Variants in MSRA observed in about 807,000 individuals in gnomAD.
MSRA encodes the protein methionine sulfoxide reductase A, also known as mitochondrial peptide methionine sulfoxide reductase.
A neutral mutation model predicts 31.3 loss-of-function variants in MSRA; 54 were observed. That is an observed-to-expected ratio of 1.73 (90% confidence interval 1.39 to 2.17). The LOEUF is 2.17. MSRA is among the 30% of genes most tolerant of loss of function. MSRA has a pLI of 0.00. For synonymous variants in MSRA, 169 were observed against 116.5 expected, an observed-to-expected ratio of 1.45 and a Z score of -2.90; for missense variants, 507 against 300.9, an observed-to-expected ratio of 1.69 and a Z score of -5.07.
intron 4 of MSRA, among the ~76,000 whole-genome samples, chr8:10,313,260 C>T (rs1248280594): frequency 1.3e-5 from 2 of 152,150 alleles, no homozygotes; most frequent in East Asian, 3.8e-4. Flanking sequence ...CCAAGGGAAA[C>T]CTTTGAAGCA....
intron 1 of MSRA, among the ~76,000 whole-genome samples, chr8:10,070,034 A>G (rs1030085695): frequency 4.6e-5 from 7 of 152,224 alleles, no homozygotes; most frequent in Non-Finnish European, 7.3e-5. Context: ...CTTGCCAAGG[A>G]TATAAAATTG....
At chr8:10,333,553 G>A (rs1478556298) in intron 5 of MSRA, among the ~76,000 whole-genome samples, 1 of 152,144 alleles carries the variant, frequency 6.6e-6, no homozygotes, top group Admixed American at 6.5e-5. Context: ...TTGTTGACCT[G>A]TCTAAGCCTA....
chr8:10,405,477 A>G (rs1458670112), intron 5 of MSRA, among the ~76,000 whole-genome samples: 3 of 152,206 alleles, frequency 2.0e-5, no homozygotes, highest in Non-Finnish European at 4.4e-5. Context: ...AGAGAGAGAG[A>G]GAATAAAATG....
rs529139863 is a variant in MSRA, at chr8:10,145,206, C to A, written c.143-62627C>A. 2.2e-3 allele frequency among the ~76,000 whole-genome samples: 328 copies of A among 152,324 alleles called. 2 individuals carry two copies. The highest frequency in any genetic ancestry group is 7.6e-3 in the African/African-American group (315 of 41,564). On this transcript the variant is annotated intron_variant, in intron 1 of 5. Coordinates refer to ENST00000317173, the MANE Select transcript of MSRA (RefSeq NM_012331.5). The stretch of plus-strand genomic sequence containing the variant: ...CTATGCAGTGCGAGGCGAGAACCGT[C>A]CGATCGGAGCACCTGTTCTATGTGG...
intron 5 of MSRA, among the ~76,000 whole-genome samples, chr8:10,372,033 C>T (rs796105068): frequency 3.3e-5 from 5 of 152,274 alleles, no homozygotes; most frequent in Admixed American, 1.3e-4. Flanking sequence ...TTGTTGATGC[C>T]ATATAATCTT....
intron 1 of MSRA, among the ~76,000 whole-genome samples, chr8:10,178,549 A>T (rs1480854344): frequency 6.6e-6 from 1 of 152,284 alleles, no homozygotes; most frequent in Non-Finnish European, 1.5e-5. Flanking sequence ...CAGAGTTATA[A>T]GTGCAGCGAT....
intron 3 of MSRA, among the ~76,000 whole-genome samples, chr8:10,300,769 C>A (rs1312869604): frequency 6.6e-6 from 1 of 152,028 alleles, no homozygotes; most frequent in South Asian, 2.1e-4. Context: ...ATGGAGGGAT[C>A]TCTTATTTGC....
At chr8:10,260,771 T>C (rs1396654354) in intron 3 of MSRA, among the ~76,000 whole-genome samples, 2 of 152,206 alleles carry the variant, frequency 1.3e-5, no homozygotes, top group Non-Finnish European at 2.9e-5. Flanking sequence ...GTGTGCTTAA[T>C]GTCTTTTGTA....
At chr8:10,353,964 T>C (rs1475587909) in intron 5 of MSRA, 1 of 178,842 alleles carries the variant, frequency 5.6e-6, no homozygotes, top group Non-Finnish European at 1.2e-5. Flanking sequence ...AGAGCTAAAA[T>C]GAACTTTTCT....
intron 2 of MSRA, among the ~76,000 whole-genome samples, chr8:10,230,412 C>T (rs894124365): frequency 5.3e-5 from 8 of 151,994 alleles, no homozygotes; most frequent in East Asian, 1.9e-4. Flanking sequence ...AGGAGGGTGG[C>T]CATAGGACAA....
chr8:10,150,045 A>G (rs1803527013), intron 1 of MSRA, among the ~76,000 whole-genome samples: 1 of 150,546 alleles, frequency 6.6e-6, no homozygotes, highest in African/African-American at 2.4e-5. Flanking sequence ...TGGATTGGGG[A>G]AAAAGTGTCC....
chr8:10,074,058 C>CTTTTTTTTTTTTTTT lies in MSRA; in HGVS notation c.142+19426_142+19440dup, dbSNP rs534642712. 6.8e-4 allele frequency among the ~76,000 whole-genome samples: 20 copies of CTTTTTTTTTTTTTTT among 29,456 alleles called. 5 individuals carry two copies. The highest frequency in any genetic ancestry group is 1.1e-3 in the Non-Finnish European group (18 of 16,368). 19.3% of individuals were successfully genotyped at this position (29,456 alleles called of 152,430 possible). A position where few individuals can be genotyped will look rare whatever the true frequency, so the allele number is the denominator to read the frequency against. Reference sequence around the variant, plus strand: ...CATTTTGTTTTGTCTAAGGGAGGTGCTTTTTTTTTTTTTTTTTTTTTTTTT... The same window carrying CTTTTTTTTTTTTTTT: ...CATTTTGTTTTGTCTAAGGGAGGTGCTTTTTTTTTTTTTTTTTTTTTTTTTTTTTTTTTTTTTTTT... On this transcript the variant is annotated intron_variant, in intron 1 of 5. Coordinates refer to ENST00000317173, the MANE Select transcript of MSRA (RefSeq NM_012331.5).
At chr8:10,291,777 G>A (rs144975245) in intron 3 of MSRA, among the ~76,000 whole-genome samples, 112 of 152,238 alleles carry the variant, frequency 7.4e-4, no homozygotes, top group African/African-American at 2.6e-3. Flanking sequence ...GGAGGTTGAA[G>A]AATGGTTATT....
At chr8:10,142,374 G>A (rs551229507) in intron 1 of MSRA, among the ~76,000 whole-genome samples, 1 of 152,310 alleles carries the variant, frequency 6.6e-6, no homozygotes, top group Non-Finnish European at 1.5e-5. Flanking sequence ...TCTGGACTGC[G>A]GTCTTAGAGC....
chr8:10,283,008 A>C (rs1030933342), intron 3 of MSRA, among the ~76,000 whole-genome samples: 1 of 152,152 alleles, frequency 6.6e-6, no homozygotes, highest in East Asian at 1.9e-4. Flanking sequence ...TGAAGATTAA[A>C]GAGATGAAAA....
intron 1 of MSRA, among the ~76,000 whole-genome samples, chr8:10,107,814 G>A (rs1799994565): frequency 6.6e-6 from 1 of 152,108 alleles, no homozygotes; most frequent in African/African-American, 2.4e-5. Context: ...CACTGAAAAA[G>A]GCCAGAGGAG....
intron 1 of MSRA, among the ~76,000 whole-genome samples, chr8:10,079,258 A>T (rs913163336): frequency 6.6e-6 from 1 of 151,988 alleles, no homozygotes; most frequent in African/African-American, 2.4e-5. Context: ...TCCTGGGCTT[A>T]GGTGATCCTC....
chr8:10,264,859 A>G (rs1038567243), intron 3 of MSRA, among the ~76,000 whole-genome samples: 2 of 152,122 alleles, frequency 1.3e-5, no homozygotes, highest in Non-Finnish European at 2.9e-5. Flanking sequence ...TGCTGAGGAG[A>G]TGGAAGCAAG....
chr8:10,090,686 C>G (rs771862354), intron 1 of MSRA, among the ~76,000 whole-genome samples: 6 of 152,200 alleles, frequency 3.9e-5, no homozygotes, highest in Non-Finnish European at 8.8e-5. Flanking sequence ...GCAGTCACTT[C>G]CAATTCTTCC....
Sources: gnomAD v4.1 joint callset for allele counts (sites outside exome capture counted in the v4.1 genomes callset) on GRCh38, gnomAD v4.1.1 for gene constraint, MANE v1.5 for transcripts, NCBI Gene and HGNC (gene_info 2026-07-23, HGNC 2026-07-21) for gene names.